Variants in SV2C observed in about 807,000 individuals in gnomAD.
SV2C encodes the protein synaptic vesicle glycoprotein 2C.
Under a neutral mutation model 79.7 loss-of-function variants are expected in SV2C, and 49 were observed. The ratio of observed to expected loss-of-function variants is 0.61; its 90% CI spans 0.49 to 0.78. The LOEUF is 0.78. SV2C is among the 30% of genes least tolerant of loss of function. The pLI, the probability that SV2C is intolerant of heterozygous loss-of-function variation, is 0.00. For synonymous variants in SV2C, 334 were observed against 333.2 expected, an observed-to-expected ratio of 1.00 and a Z score of -0.03; for missense variants, 833 against 912.9, an observed-to-expected ratio of 0.91 and a Z score of 1.13.
chr5:75,881,247 T>C, the SV2C span, among the ~76,000 whole-genome samples: 1 of 152,134 alleles, frequency 6.6e-6, no homozygotes, highest in Non-Finnish European at 1.5e-5. Flanking sequence ...TTCACCTAAT[T>C]CCTCAATTAA....
the SV2C span, among the ~76,000 whole-genome samples, chr5:76,059,622 T>G: frequency 6.6e-6 from 1 of 152,090 alleles, no homozygotes; most frequent in Non-Finnish European, 1.5e-5. Flanking sequence ...CCACCACATC[T>G]GCAATTACTT....
At position 76,242,509 on chromosome 5, in the gene SV2C, A is replaced by G; in HGVS notation, c.913+32622A>G. Reference sequence around the variant, plus strand: ...AGCCCAGTTTGCACTTTTAATAAGGAACCCTGGTGATTCTTATGTAGGTGG... The same window carrying G: ...AGCCCAGTTTGCACTTTTAATAAGGGACCCTGGTGATTCTTATGTAGGTGG... On this transcript the variant is annotated intron_variant, in intron 4 of 12. Coordinates refer to ENST00000502798, the MANE Select transcript of SV2C (RefSeq NM_014979.4). 4 of 445,234 alleles carry G rather than the reference A, an allele frequency of 9.0e-6. No individual in the cohort carries two copies. The Admixed American group carries it at 1.2e-4, about 14-fold the overall frequency. 27.6% of individuals were successfully genotyped at this position (445,234 alleles called of 1,614,324 possible).
chr5:76,341,466 A>C (rs1025084169), intron 12 of SV2C, among the ~76,000 whole-genome samples: 2 of 152,206 alleles, frequency 1.3e-5, no homozygotes, highest in African/African-American at 4.8e-5. Context: ...ATGCAAATGG[A>C]GGTGCCGGGG....
intron 1 of SV2C, among the ~76,000 whole-genome samples, chr5:76,094,529 A>T (rs986794908): frequency 4.6e-5 from 7 of 152,184 alleles, no homozygotes; most frequent in Non-Finnish European, 8.8e-5. Context: ...ATAGTATTAC[A>T]TTATATGAAT....
intron 1 of SV2C, among the ~76,000 whole-genome samples, chr5:76,123,039 T>C (rs2112166248): frequency 6.6e-6 from 1 of 152,034 alleles, no homozygotes; most frequent in Non-Finnish European, 1.5e-5. Flanking sequence ...AAAGGGGATA[T>C]GGGATATCAC....
At chr5:75,881,448 T>C in the SV2C span, among the ~76,000 whole-genome samples, 18,951 of 152,226 alleles carry the variant, frequency 0.12, 1,393 homozygotes, top group African/African-American at 0.22. Flanking sequence ...TATATGTTTA[T>C]GAAGGTTTTT....
chr5:76,321,874 G>A (rs887809702), intron 12 of SV2C, among the ~76,000 whole-genome samples: 3 of 151,830 alleles, frequency 2.0e-5, no homozygotes, highest in Admixed American at 6.6e-5. Flanking sequence ...ATATACCTGC[G>A]TATCTTAAAG....
chr5:76,323,753 T>G (rs1748901102), intron 12 of SV2C, among the ~76,000 whole-genome samples: 1 of 152,206 alleles, frequency 6.6e-6, no homozygotes, highest in Non-Finnish European at 1.5e-5. Context: ...TGGATGAAGC[T>G]AGAAGCCATT....
chr5:76,017,474 G>T, the SV2C span, among the ~76,000 whole-genome samples: 1 of 152,204 alleles, frequency 6.6e-6, no homozygotes, highest in South Asian at 2.1e-4. Context: ...TTTTAGTAGA[G>T]ATGGGGTTTC....
the SV2C span, among the ~76,000 whole-genome samples, chr5:75,914,057 C>T: frequency 6.6e-6 from 1 of 152,120 alleles, no homozygotes; most frequent in Admixed American, 6.6e-5. Flanking sequence ...AAGGTCTTTT[C>T]ATTGAGCATG....
At chr5:76,319,169 G>C (rs1015430349) in intron 12 of SV2C, among the ~76,000 whole-genome samples, 1 of 152,058 alleles carries the variant, frequency 6.6e-6, no homozygotes, top group East Asian at 1.9e-4. Flanking sequence ...CCAGCCCTTT[G>C]GGAGGCCGAA....
chr5:76,183,553 T>G (rs1024918771), intron 2 of SV2C, among the ~76,000 whole-genome samples: 3 of 152,172 alleles, frequency 2.0e-5, no homozygotes, highest in Admixed American at 6.5e-5. Context: ...AGTTTATCCT[T>G]GCAGTTGCTA....
chr5:76,163,117 C>A (rs957572726), intron 2 of SV2C, among the ~76,000 whole-genome samples: 15 of 152,218 alleles, frequency 9.9e-5, no homozygotes, highest in Non-Finnish European at 1.3e-4. Context: ...CCAGTCCCGC[C>A]TTGGTGCTCC....
At chr5:76,210,291 C>T (rs1339230828) in intron 4 of SV2C, among the ~76,000 whole-genome samples, 1 of 152,134 alleles carries the variant, frequency 6.6e-6, no homozygotes, top group Non-Finnish European at 1.5e-5. Flanking sequence ...AAGACTGCCC[C>T]CCATTTCAGA....
the SV2C span, among the ~76,000 whole-genome samples, chr5:75,898,738 A>C: frequency 6.6e-6 from 1 of 152,098 alleles, no homozygotes; most frequent in Non-Finnish European, 1.5e-5. Context: ...TATTGCCACA[A>C]TTTCAGATCC....
chr5:76,183,024 C>T (rs1257709407), intron 2 of SV2C, among the ~76,000 whole-genome samples: 1 of 128,208 alleles, frequency 7.8e-6, no homozygotes, highest in East Asian at 2.4e-4. Flanking sequence ...CTCATGAGAA[C>T]CTACCATTTT....
intron 2 of SV2C, among the ~76,000 whole-genome samples, chr5:76,139,043 C>T (rs71630903): frequency 0.12 from 17,778 of 151,678 alleles, 1,140 homozygotes; most frequent in Non-Finnish European, 0.14. Flanking sequence ...GGCATGAACC[C>T]GGGAGGCAGA....
At chr5:76,340,441 C>G (rs963862466) in intron 12 of SV2C, among the ~76,000 whole-genome samples, 3 of 152,100 alleles carry the variant, frequency 2.0e-5, no homozygotes, top group African/African-American at 7.2e-5. Context: ...GATTGGGATC[C>G]CTTTCTGTTA....
At chr5:76,078,633 G>A (rs578243143), upstream of SV2C, 87 of 400,210 alleles carry the variant, frequency 2.2e-4, 1 homozygote, top group Admixed American at 2.1e-3. Flanking sequence ...GCCACCTACC[G>A]GAGGCATGGC....
Sources: allele counts gnomAD v4.1 joint callset (sites outside exome capture counted in the v4.1 genomes callset), GRCh38; gene constraint gnomAD v4.1.1; transcripts MANE v1.5; gene names NCBI Gene and HGNC (gene_info 2026-07-23, HGNC 2026-07-21).